Variants in PTPRD observed in about 807,000 individuals in gnomAD.
PTPRD encodes protein tyrosine phosphatase receptor type D, also known as receptor-type tyrosine-protein phosphatase delta.
PTPRD carries 34 observed loss-of-function variants against 214.5 expected under a neutral mutation model. That is an observed-to-expected ratio of 0.16 (90% CI 0.12 to 0.21). The LOEUF is 0.21. Among genes scored for constraint, PTPRD ranks in the 10% least tolerant of loss-of-function variants. PTPRD has a pLI of 1.00. For synonymous variants in PTPRD, 1,128 were observed against 845.7 expected (o/e 1.33, Z -5.79); for missense variants, 2,545 against 2,398.7 (o/e 1.06, Z -1.27).
intron 11 of PTPRD, among the ~76,000 whole-genome samples, chr9:8,832,776 T>TC (rs140987154): frequency 9.3e-5 from 14 of 149,854 alleles, no homozygotes; most frequent in Non-Finnish European, 1.8e-4. Flanking sequence ...TAAATTGGAG[T>TC]TCTCTCTCTC....
In PTPRD at chr9:8,637,796, G is replaced by A. The variant is rs545069306; in HGVS notation, c.65-952C>T. Among the ~76,000 whole-genome samples, 762 of 152,262 alleles carry A rather than the reference G, an allele frequency of 5.0e-3. 4 individuals carry two copies. Among genetic ancestry groups the A allele is most frequent in the Non-Finnish European group, 7.6e-3 (516 of 68,004 alleles). ...GTCACAGTGAAATAAAATATGGCATGAAGATGGAACATCATACAAGTAGTT... is the reference window on the plus strand; with the variant it reads ...GTCACAGTGAAATAAAATATGGCATAAAGATGGAACATCATACAAGTAGTT... On this transcript the variant is annotated intron_variant, in intron 12 of 45. Transcript: ENST00000381196.
intron 14 of PTPRD, among the ~76,000 whole-genome samples, chr9:8,598,159 C>G (rs1202819913): frequency 6.6e-6 from 1 of 152,108 alleles, no homozygotes; most frequent in Non-Finnish European, 1.5e-5. Context: ...TTCATACATT[C>G]TCCAAATTTT....
intron 9 of PTPRD, among the ~76,000 whole-genome samples, chr9:9,339,134 G>GA (rs1368002508): frequency 6.6e-6 from 1 of 152,064 alleles, no homozygotes; most frequent in Non-Finnish European, 1.5e-5. Flanking sequence ...ACCTATAGCT[G>GA]AAAATCAACT....
At chr9:10,075,512 A>G (rs10958871) in intron 3 of PTPRD, among the ~76,000 whole-genome samples, 17,345 of 151,810 alleles carry the variant, frequency 0.11, 1,784 homozygotes, top group African/African-American at 0.27. Context: ...ATAATATTTT[A>G]TATTAATCCA....
At chr9:8,619,076 A>AT in intron 14 of PTPRD, among the ~76,000 whole-genome samples, 1 of 151,330 alleles carries the variant, frequency 6.6e-6, no homozygotes, top group Non-Finnish European at 1.5e-5. Flanking sequence ...TTATTTTTTA[A>AT]TTGAGACATA....
intron 9 of PTPRD, among the ~76,000 whole-genome samples, chr9:9,344,956 CTAA>C (rs1309657935): frequency 4.0e-5 from 6 of 151,836 alleles, no homozygotes; most frequent in Non-Finnish European, 8.8e-5. Context: ...TACTTTGTTA[CTAA>C]TTATAGAACA....
intron 2 of PTPRD, among the ~76,000 whole-genome samples, chr9:10,609,105 G>T (rs992902547): frequency 2.0e-5 from 3 of 151,958 alleles, no homozygotes; most frequent in Non-Finnish European, 2.9e-5. Context: ...TTAAATTCAG[G>T]ATAGGTGTAA....
intron 3 of PTPRD, among the ~76,000 whole-genome samples, chr9:10,149,899 T>A (rs1287574560): frequency 6.6e-6 from 1 of 151,958 alleles, no homozygotes; most frequent in Non-Finnish European, 1.5e-5. Flanking sequence ...CCCAGCTAAT[T>A]TTTGTATTTT....
intron 7 of PTPRD, among the ~76,000 whole-genome samples, chr9:9,638,636 C>T (rs2095846148): frequency 6.6e-6 from 1 of 152,136 alleles, no homozygotes; most frequent in African/African-American, 2.4e-5. Flanking sequence ...AAAACTCTTC[C>T]AGCCTCTATC....
chr9:9,868,118 G>T (rs1350363461), intron 5 of PTPRD, among the ~76,000 whole-genome samples: 1 of 152,146 alleles, frequency 6.6e-6, no homozygotes, highest in East Asian at 1.9e-4. Context: ...GCTTTTGGCA[G>T]TCTATACCGC....
At chr9:10,261,441 T>C (rs2093694632) in intron 3 of PTPRD, among the ~76,000 whole-genome samples, 2 of 152,044 alleles carry the variant, frequency 1.3e-5, no homozygotes, top group African/African-American at 4.8e-5. Flanking sequence ...CAGACATAGA[T>C]ACAGACAAAG....
At chr9:10,206,568 G>T (rs2099481664) in intron 3 of PTPRD, among the ~76,000 whole-genome samples, 1 of 152,200 alleles carries the variant, frequency 6.6e-6, no homozygotes, top group African/African-American at 2.4e-5. Context: ...TAAGGAAAGT[G>T]AAATACAGGA....
intron 44 of PTPRD, among the ~76,000 whole-genome samples, chr9:8,323,987 C>T (rs1350487447): frequency 6.6e-6 from 1 of 152,072 alleles, no homozygotes; most frequent in Non-Finnish European, 1.5e-5. Flanking sequence ...GCTACAGCCA[C>T]CTCACCCTTC....
At chr9:9,473,384 T>G (rs576300705) in intron 8 of PTPRD, among the ~76,000 whole-genome samples, 1 of 152,310 alleles carries the variant, frequency 6.6e-6, no homozygotes, top group South Asian at 2.1e-4. Flanking sequence ...TGATGAACAT[T>G]TAGGTTGATT....
intron 10 of PTPRD, among the ~76,000 whole-genome samples, chr9:9,117,699 C>G (rs887540422): frequency 6.6e-6 from 1 of 151,924 alleles, no homozygotes; most frequent in African/African-American, 2.4e-5. Flanking sequence ...CTAGAATAAA[C>G]TGAACTTAGG....
intron 3 of PTPRD, among the ~76,000 whole-genome samples, chr9:10,277,216 C>T (rs34677439): frequency 1.2e-5 from 1 of 81,598 alleles, no homozygotes; most frequent in East Asian, 3.9e-4. Context: ...CATAAACATA[C>T]AACATAAACA....
At chr9:8,441,338 A>G (rs1432994724) in intron 34 of PTPRD, among the ~76,000 whole-genome samples, 1 of 152,034 alleles carries the variant, frequency 6.6e-6, no homozygotes, top group Non-Finnish European at 1.5e-5. Context: ...AAAGGGTGAA[A>G]TTATTCAGCT....
intron 2 of PTPRD, among the ~76,000 whole-genome samples, chr9:10,505,075 C>T (rs2045454579): frequency 6.6e-6 from 1 of 152,164 alleles, no homozygotes; most frequent in African/African-American, 2.4e-5. Flanking sequence ...AAATTGCAGT[C>T]TTGCAAAAGA....
rs2099943529 is a variant in PTPRD at position 9,204,299 on chromosome 9, C to T, written c.-202-20936G>A. Among the ~76,000 whole-genome samples, 4 of 152,174 alleles carry T rather than the reference C, an allele frequency of 2.6e-5. No homozygotes were observed. The South Asian group carries it at 8.3e-4, about 31-fold the overall frequency. ...TGATGCTTCCAGTGACTACATTTCTCACTGCAAACAGGTCTCTTTATATAA... is the reference window on the plus strand; with the variant it reads ...TGATGCTTCCAGTGACTACATTTCTTACTGCAAACAGGTCTCTTTATATAA... On this transcript the variant is annotated intron_variant, in intron 9 of 45. Transcript: ENST00000381196.
Sources: allele counts gnomAD v4.1 joint callset (sites outside exome capture counted in the v4.1 genomes callset), GRCh38; gene constraint gnomAD v4.1.1; transcripts MANE v1.5; gene names NCBI Gene and HGNC (gene_info 2026-07-23, HGNC 2026-07-21).